BTBD16: variants seen among roughly 807,000 people sequenced by gnomAD.
The protein encoded by BTBD16 is BTB/POZ domain-containing protein 16.
BTBD16 carries 66 observed loss-of-function variants against 67.4 expected under a neutral mutation model. That is an observed-to-expected ratio of 0.98 (90% CI 0.80 to 1.20). BTBD16 has a LOEUF of 1.20. BTBD16 is among the 50% of genes most tolerant of loss of function. The probability of loss-of-function intolerance (pLI) is 0.00; values close to 1 mark genes in which losing one functional copy is unlikely to be tolerated. For missense variants in BTBD16, 634 were observed against 616.0 expected (o/e 1.03, Z -0.31); for synonymous variants, 242 against 236.4 (o/e 1.02, Z -0.22).
chr10:122,309,132 T>C lies in BTBD16; in HGVS notation c.911+1824T>C, dbSNP rs2096408895. On this transcript the variant is annotated intron_variant, in intron 10 of 15. Transcript: ENST00000260723. ...ACTGTGAGTCTCTGTCAGACTTTTTTTTCTCTTTTTTTGAGACAGGGTCTT... is the reference window on the plus strand; with the variant it reads ...ACTGTGAGTCTCTGTCAGACTTTTTCTTCTCTTTTTTTGAGACAGGGTCTT... 2.6e-5 allele frequency among the ~76,000 whole-genome samples: 4 copies of C among 152,104 alleles called. No homozygotes were observed. The South Asian group carries it at 8.3e-4, about 32-fold the overall frequency.
intron 7 of BTBD16, among the ~76,000 whole-genome samples, chr10:122,296,802 G>A (rs148991931): frequency 6.6e-6 from 1 of 152,322 alleles, no homozygotes; most frequent in African/African-American, 2.4e-5. Context: ...GGTGATGCTG[G>A]AGCTGAGCCC....
At chr10:122,309,169 C>T (rs1218561340) in intron 10 of BTBD16, among the ~76,000 whole-genome samples, 2 of 152,096 alleles carry the variant, frequency 1.3e-5, no homozygotes, top group Non-Finnish European at 2.9e-5. Context: ...CTCTGTCATC[C>T]AGGTTGGAGT....
At position 122,329,688 on chromosome 10, in the gene BTBD16, G is replaced by A. The variant is rs577289435; in HGVS notation, c.1003+117G>A. On this transcript the variant is annotated intron_variant, in intron 11 of 15. Transcript: ENST00000260723. ...TTCCAAGGGAATCACCTGAATCGTG[G>A]CATTGTCACTTCCAAGCTGTGTGAC... The A allele has an allele frequency of 3.3e-5, 27 of 807,538 alleles. No individual in the cohort carries two copies. The East Asian group carries it at 5.3e-4, about 16-fold the overall frequency. The allele number at this position is 807,538 out of a possible 1,614,324, so 50.0% of individuals were successfully genotyped here.
intron 1 of BTBD16, 113 bp from the exon 2 acceptor site, chr10:122,274,927 C>T (rs1214949141): frequency 4.1e-5 from 27 of 663,932 alleles, no homozygotes; most frequent in South Asian, 2.0e-4. Context: ...AACCCACATT[C>T]GAGGCTTATT....
chr10:122,329,546 C>G lies in BTBD16; in HGVS notation c.978C>G (p.Cys326Trp). 6.2e-7 allele frequency: 1 copy of G among 1,613,974 alleles called. No homozygotes were observed. The highest frequency in any genetic ancestry group is 1.1e-5 in the South Asian group (1 of 91,088). Residue 326 changes from cysteine to tryptophan, a missense_variant, in exon 11 of 16, where the codon TGC becomes TGG. Coordinates refer to ENST00000260723, the MANE Select transcript of BTBD16 (RefSeq NM_144587.5). ...IGRSLRPLFL[C>W]LRLHGITKGK... ...GGAGCTTGAGGCCGCTCTTCCTCTG[C>G]TTGCGTCTGCACGGCATCACCAAAG...
At chr10:122,275,768 C>G (rs2096339269) in intron 2 of BTBD16, among the ~76,000 whole-genome samples, 1 of 152,162 alleles carries the variant, frequency 6.6e-6, no homozygotes. Flanking sequence ...TACATCCATG[C>G]TGGGTATCGT....
Position 122,297,906 on chromosome 10 carries a change from T to G in BTBD16, c.660+69T>G, listed in dbSNP as rs533680154. The G allele has an allele frequency of 1.7e-4, 245 of 1,442,694 alleles. No homozygotes were observed. In the African/African-American group the frequency reaches 3.1e-3, roughly 18 times the overall value. The allele number at this position is 1,442,694 out of a possible 1,614,324, so 89.4% of individuals were successfully genotyped here. A position where few individuals can be genotyped will look rare whatever the true frequency, so the allele number is the denominator to read the frequency against. The stretch of plus-strand genomic sequence containing the variant: ...TTCAGGAGCAGCCTAGATGCTGGGA[T>G]TTTACCCACCAGGCCTACTTCCCCC... On this transcript the variant is annotated intron_variant, in intron 8 of 15. Transcript: ENST00000260723.
At chr10:122,335,317 C>G (rs1204595304) in intron 14 of BTBD16, among the ~76,000 whole-genome samples, 2 of 152,204 alleles carry the variant, frequency 1.3e-5, no homozygotes, top group Non-Finnish European at 2.9e-5. Context: ...TTCAGTTATT[C>G]TCCCATGAAG....
At chr10:122,320,230 G>T (rs984460076) in intron 10 of BTBD16, among the ~76,000 whole-genome samples, 1 of 152,052 alleles carries the variant, frequency 6.6e-6, no homozygotes, top group Non-Finnish European at 1.5e-5. Flanking sequence ...TCAGTACATT[G>T]TTGATCAGAA....
intron 7 of BTBD16, among the ~76,000 whole-genome samples, chr10:122,295,033 C>T (rs374801264): frequency 6.6e-5 from 10 of 152,326 alleles, no homozygotes; most frequent in African/African-American, 2.4e-4. Flanking sequence ...GCCATGAGCT[C>T]CAGGACGAAA....
chr10:122,296,135 AC>A (rs1433819327), intron 7 of BTBD16, among the ~76,000 whole-genome samples: 2 of 152,144 alleles, frequency 1.3e-5, no homozygotes, highest in African/African-American at 2.4e-5. Context: ...AGTTTAAAAA[AC>A]AATTCACTTG....
chr10:122,277,306 C>A (rs1279161208), intron 3 of BTBD16, among the ~76,000 whole-genome samples: 1 of 152,022 alleles, frequency 6.6e-6, no homozygotes, highest in East Asian at 1.9e-4. Flanking sequence ...TTGTAAATGT[C>A]CATTTTCACC....
chr10:122,309,474 A>G (rs11200544), intron 10 of BTBD16, among the ~76,000 whole-genome samples: 13,380 of 151,814 alleles, frequency 0.088, 987 homozygotes, highest in East Asian at 0.24. Context: ...CCTCCTGAGT[A>G]GCTGGGACTA....
chr10:122,298,555 C>T (rs571881784), intron 8 of BTBD16, among the ~76,000 whole-genome samples: 1 of 152,184 alleles, frequency 6.6e-6, no homozygotes, highest in Non-Finnish European at 1.5e-5. Context: ...CCCTTCAATT[C>T]CTGCTTTTTG....
At chr10:122,291,418 A>C in intron 7 of BTBD16, 1 of 461,956 alleles carries the variant, frequency 2.2e-6, no homozygotes, top group Non-Finnish European at 3.7e-6. Flanking sequence ...ACGATTCTCG[A>C]CTCACAGGAA....
chr10:122,277,390 T>C (rs562379350), intron 3 of BTBD16, among the ~76,000 whole-genome samples: 5 of 152,326 alleles, frequency 3.3e-5, no homozygotes, highest in South Asian at 2.1e-4. Flanking sequence ...TGTGATGAGT[T>C]CTCTCTTGCC....
intron 10 of BTBD16, among the ~76,000 whole-genome samples, chr10:122,313,199 A>AAAATTTT (rs1393856617): frequency 2.0e-5 from 3 of 150,984 alleles, no homozygotes; most frequent in Non-Finnish European, 4.4e-5. Context: ...TTTGATGAAC[A>AAAATTTT]AAATTTTAAA....
At chr10:122,337,626 G>A (rs1006265592) in intron 15 of BTBD16, among the ~76,000 whole-genome samples, 1 of 152,030 alleles carries the variant, frequency 6.6e-6, no homozygotes, top group Admixed American at 6.6e-5. Context: ...CACCACACCC[G>A]GCTAATTTTT....
At chr10:122,289,857 T>C in intron 5 of BTBD16, 52 bp from the exon 6 acceptor site, 1 of 1,430,158 alleles carries the variant, frequency 7.0e-7, no homozygotes, top group Non-Finnish European at 9.8e-7. Flanking sequence ...TCCCACTGTG[T>C]CTTCACCACG....
Sources: allele counts gnomAD v4.1 joint callset (sites outside exome capture counted in the v4.1 genomes callset), GRCh38; gene constraint gnomAD v4.1.1; transcripts MANE v1.5; gene names NCBI Gene and HGNC (gene_info 2026-07-23, HGNC 2026-07-21).